Variants in CUL3 observed in about 807,000 individuals in gnomAD.
CUL3 encodes the protein cullin-3.
Under a neutral mutation model 89.1 loss-of-function variants are expected in CUL3, and 19 were observed. The observed-to-expected ratio is 0.21, with a 90% CI of 0.15 to 0.31. The LOEUF is 0.31. Ranked by LOEUF, CUL3 falls within the 10% of genes least tolerant of loss-of-function variation. CUL3 has a pLI of 1.00. For missense variants in CUL3, 469 were observed against 942.3 expected, an observed-to-expected ratio of 0.50 and a Z score of 6.58; for synonymous variants, 351 against 308.4, an observed-to-expected ratio of 1.14 and a Z score of -1.45.
intron 3 of CUL3, among the ~76,000 whole-genome samples, chr2:224,523,544 A>G (rs1693347971): frequency 6.6e-6 from 1 of 152,216 alleles, no homozygotes; most frequent in Admixed American, 6.5e-5. Context: ...TTAACATAGG[A>G]TCCACTAATT....
rs777017393 is a variant in CUL3, at chr2:224,495,979, T to TA, written c.1708-14dup. 1.9e-6 allele frequency: 3 copies of TA among 1,607,264 alleles called. No homozygotes were observed. Among genetic ancestry groups the TA allele is most frequent in the Non-Finnish European group, 2.5e-6 (3 of 1,178,032 alleles). Reference sequence around the variant, plus strand: ...CAGATCCATCTTCCTGTTTCATTTTTAAAAAAATATAAACAAAGACACAAT... The same window carrying TA: ...CAGATCCATCTTCCTGTTTCATTTTTAAAAAAAATATAAACAAAGACACAAT... On this transcript the variant is annotated splice_polypyrimidine_tract_variant and intron_variant, in intron 12 of 15. Transcript: ENST00000264414.
chr2:224,554,638 G>A (rs941490263), intron 2 of CUL3, among the ~76,000 whole-genome samples: 8 of 152,166 alleles, frequency 5.3e-5, no homozygotes, highest in Admixed American at 3.3e-4. Context: ...AGTAGTATCT[G>A]CAACATTGGG....
At chr2:224,572,229 G>C (rs1191837356) in intron 1 of CUL3, among the ~76,000 whole-genome samples, 2 of 152,108 alleles carry the variant, frequency 1.3e-5, no homozygotes, top group East Asian at 1.9e-4. Flanking sequence ...ACTTTCTCTA[G>C]ACCCCTGTTT....
At position 224,529,159 on chromosome 2, in the gene CUL3, T is replaced by C. The variant is rs1017776112; in HGVS notation, c.378+6369A>G. Among the ~76,000 whole-genome samples, 9 of 152,242 alleles carry C rather than the reference T, an allele frequency of 5.9e-5. No homozygotes were observed. In the South Asian group the frequency reaches 1.0e-3, roughly 18 times the overall value. On this transcript the variant is annotated intron_variant, in intron 3 of 15. Transcript: ENST00000264414. ...CCAAATATTAATAAATACTTATGGATTGTATCAATAATTCAGGCTGTAATA... is the reference window on the plus strand; with the variant it reads ...CCAAATATTAATAAATACTTATGGACTGTATCAATAATTCAGGCTGTAATA...
intron 15 of CUL3, 103 bp from the exon 16 acceptor site, chr2:224,474,479 A>C: frequency 1.1e-6 from 1 of 907,754 alleles, no homozygotes; most frequent in South Asian, 2.0e-5. Flanking sequence ...GAACTTTACT[A>C]ACTGGATTAC....
At chr2:224,558,385 T>C (rs966683758) in intron 1 of CUL3, among the ~76,000 whole-genome samples, 1 of 152,220 alleles carries the variant, frequency 6.6e-6, no homozygotes, top group Non-Finnish European at 1.5e-5. Context: ...TAGATGATTT[T>C]ATACCACCTC....
At chr2:224,538,664 G>T (rs1693979757) in intron 2 of CUL3, among the ~76,000 whole-genome samples, 2 of 152,110 alleles carry the variant, frequency 1.3e-5, no homozygotes, top group Non-Finnish European at 2.9e-5. Flanking sequence ...ATAAAGAGTT[G>T]GAATTTGAGG....
chr2:224,569,459 A>G (rs900303242), intron 1 of CUL3, among the ~76,000 whole-genome samples: 8 of 152,218 alleles, frequency 5.3e-5, no homozygotes, highest in African/African-American at 1.9e-4. Flanking sequence ...AGACTTTCAA[A>G]AACCAAGTCA....
chr2:224,511,007 T>C (rs1312400241), intron 6 of CUL3, among the ~76,000 whole-genome samples: 1 of 151,898 alleles, frequency 6.6e-6, no homozygotes, highest in East Asian at 1.9e-4. Flanking sequence ...CCCAAGAGAG[T>C]ATGTAGGACT....
chr2:224,573,601 A>T (rs1419617647), intron 1 of CUL3, among the ~76,000 whole-genome samples: 1 of 152,150 alleles, frequency 6.6e-6, no homozygotes, highest in African/African-American at 2.4e-5. Flanking sequence ...TTGTAAAGAG[A>T]GTAGTGCATT....
At position 224,560,039 on chromosome 2, in the gene CUL3, C is replaced by T. The variant is rs147601995; in HGVS notation, c.67-2183G>A. ...TCGAGGCTGCAGTGAGTGGAGACTG[C>T]GCCACTACACACCAGCCTGGATGAC... On this transcript the variant is annotated intron_variant, in intron 1 of 15. Coordinates refer to ENST00000264414, the MANE Select transcript of CUL3 (RefSeq NM_003590.5). Among the ~76,000 whole-genome samples, 95 of 152,170 alleles carry T rather than the reference C, an allele frequency of 6.2e-4. No individual in the cohort carries two copies. The East Asian group carries it at 0.014, about 23-fold the overall frequency.
intron 3 of CUL3, among the ~76,000 whole-genome samples, chr2:224,519,929 A>G (rs1693201331): frequency 6.6e-6 from 1 of 152,092 alleles, no homozygotes; most frequent in Non-Finnish European, 1.5e-5. Flanking sequence ...AAATCATTCC[A>G]AAAGAGAAAA....
At position 224,585,259 on chromosome 2, in the gene CUL3, G is replaced by T; in HGVS notation, c.-250C>A. The T allele has an allele frequency of 5.0e-6, 2 of 396,732 alleles. No homozygotes were observed. The highest frequency in any genetic ancestry group is 2.1e-5 in the African/African-American group (1 of 48,192). 24.6% of individuals were successfully genotyped at this position (396,732 alleles called of 1,614,324 possible). A position where few individuals can be genotyped will look rare whatever the true frequency, so the allele number is the denominator to read the frequency against. ...CTGCGCTGGCGCGGCGGCTCCGCGG[G>T]GTCCCCCTCACGTCCGGCTCGGCTC... On this transcript the variant is annotated 5_prime_UTR_variant, in exon 1 of 16. Transcript: ENST00000264414.
Position 224,568,968 on chromosome 2 carries a change from C to A in CUL3, c.67-11112G>T, listed in dbSNP as rs1471520888. Among the ~76,000 whole-genome samples the A allele has an allele frequency of 2.0e-5, 3 of 152,148 alleles. No homozygotes were observed. The East Asian group carries it at 5.8e-4, about 29-fold the overall frequency. On this transcript the variant is annotated intron_variant, in intron 1 of 15. Coordinates refer to ENST00000264414, the MANE Select transcript of CUL3 (RefSeq NM_003590.5). ...GACACAGAAGCAACATTAACTGCTA[C>A]TGAAAAATTTTTTAAATGCCTAAAT...
chr2:224,549,515 T>G (rs936754183), intron 2 of CUL3, among the ~76,000 whole-genome samples: 1 of 152,146 alleles, frequency 6.6e-6, no homozygotes, highest in Non-Finnish European at 1.5e-5. Flanking sequence ...ATACTTTAAA[T>G]CCCAGAAAGG....
At chr2:224,563,252 A>G in intron 1 of CUL3, 1 of 471,254 alleles carries the variant, frequency 2.1e-6, no homozygotes, top group South Asian at 1.5e-5. Flanking sequence ...CTTGTATACT[A>G]CTTTTCCAGA....
intron 2 of CUL3, among the ~76,000 whole-genome samples, chr2:224,556,121 G>C (rs1025925747): frequency 6.6e-6 from 1 of 152,062 alleles, no homozygotes; most frequent in Non-Finnish European, 1.5e-5. Flanking sequence ...ACAGAAGAAA[G>C]AGCAGAAATA....
At chr2:224,518,093 A>G (rs1574650537) in intron 3 of CUL3, among the ~76,000 whole-genome samples, 1 of 152,344 alleles carries the variant, frequency 6.6e-6, no homozygotes, top group East Asian at 1.9e-4. Context: ...GCCTAACAGT[A>G]GTGAGAGAAC....
At chr2:224,565,203 G>GT (rs1695013307) in intron 1 of CUL3, among the ~76,000 whole-genome samples, 1 of 152,068 alleles carries the variant, frequency 6.6e-6, no homozygotes, top group Admixed American at 6.6e-5. Flanking sequence ...TATGTTACAT[G>GT]TATTACACAC....
Sources: allele counts gnomAD v4.1 joint callset (sites outside exome capture counted in the v4.1 genomes callset), GRCh38; gene constraint gnomAD v4.1.1; transcripts MANE v1.5; gene names NCBI Gene and HGNC (gene_info 2026-07-23, HGNC 2026-07-21).